PCDHGB6: variants seen among roughly 807,000 people sequenced by gnomAD.
PCDHGB6 encodes protocadherin gamma subfamily B, 6.
Under a neutral mutation model 59.1 loss-of-function variants are expected in PCDHGB6, and 51 were observed. That is an observed-to-expected ratio of 0.86 (90% CI 0.69 to 1.09). The LOEUF is 1.09. Ranked by LOEUF, PCDHGB6 falls within the 50% of genes least tolerant of loss-of-function variation. The pLI, the probability that PCDHGB6 is intolerant of heterozygous loss-of-function variation, is 0.00. For missense variants in PCDHGB6, 1,148 were observed against 1,205.1 expected (o/e 0.95, Z 0.70); for synonymous variants, 466 against 495.1 (o/e 0.94, Z 0.78).
chr5:141,442,725 G>A (rs1381140725), intron 1 of PCDHGB6, among the ~76,000 whole-genome samples: 1 of 152,198 alleles, frequency 6.6e-6, no homozygotes, highest in Admixed American at 6.5e-5. Flanking sequence ...AGCATTTGGG[G>A]CCTGTAGGTA....
rs1422052114 is a variant in PCDHGB6, at chr5:141,511,168, A to T, written c.2788A>T (p.Lys930Ter). The change falls in exon 4 of 4, where the codon AAG (lysine) becomes TAG (stop). Residue 930 changes from lysine to a stop codon, truncating the protein, a stop_gained. Coordinates refer to ENST00000520790, the MANE Select transcript of PCDHGB6 (RefSeq NM_018926.3). LOFTEE classifies it high-confidence loss of function. ...GAAGAAGTCGGGCAAGAAGGAGAAG[A>T]AGTAACATGGAGGCCAGGCCAAGAG... is the stretch of plus-strand genomic sequence containing the variant. The part of the protein sequence containing the change: ...NKKKSGKKEK[K>*] 1.4e-5 allele frequency: 22 copies of T among 1,614,038 alleles called. No individual in the cohort carries two copies. The highest frequency in any genetic ancestry group is 1.7e-5 in the Non-Finnish European group (20 of 1,180,008).
intron 3 of PCDHGB6, 96 bp downstream of exon 3, chr5:141,505,577 G>C: frequency 2.5e-6 from 4 of 1,589,854 alleles, no homozygotes; most frequent in Non-Finnish European, 3.4e-6. Flanking sequence ...TGTCAAACCT[G>C]TGTAGTTTCT....
intron 1 of PCDHGB6, among the ~76,000 whole-genome samples, chr5:141,484,322 T>C (rs2099594801): frequency 6.6e-6 from 1 of 152,214 alleles, no homozygotes; most frequent in Non-Finnish European, 1.5e-5. Flanking sequence ...TTCCATACTG[T>C]CCTTGAAATC....
chr5:141,465,778 A>G (rs544366126), intron 1 of PCDHGB6, among the ~76,000 whole-genome samples: 1 of 148,538 alleles, frequency 6.7e-6, no homozygotes, highest in East Asian at 1.9e-4. Context: ...CTCTTGTTAC[A>G]GTTTTTTTTT....
intron 1 of PCDHGB6, among the ~76,000 whole-genome samples, chr5:141,448,855 G>A (rs2098611434): frequency 6.6e-6 from 1 of 152,172 alleles, no homozygotes. Context: ...TGAGGCAGGA[G>A]AATGGCGTGA....
chr5:141,453,318 AG>A (rs1299190594), intron 1 of PCDHGB6, among the ~76,000 whole-genome samples: 2 of 151,458 alleles, frequency 1.3e-5, no homozygotes, highest in Non-Finnish European at 2.9e-5. Context: ...TTTATTTTAG[AG>A]ATGGGGTCTC....
Position 141,476,373 on chromosome 5 carries a change from T to C in PCDHGB6, c.2419-18434T>C. 1 of 1,614,054 alleles carries C rather than the reference T, an allele frequency of 6.2e-7. No individual in the cohort carries two copies. Among genetic ancestry groups the C allele is most frequent in the Non-Finnish European group, 8.5e-7 (1 of 1,180,020 alleles). On this transcript the variant is annotated intron_variant, in intron 1 of 3. Transcript: ENST00000520790. This position sits in a 1 kb window ranked among gnomAD's most constrained non-coding sequence, Gnocchi z 7.6. ...GAGGTGAACCGGGAGACCGGAGAGA[T>C]GTTTGTGAACGACCGTCTGGATCGA...
intron 1 of PCDHGB6, chr5:141,428,464 G>A (rs904800167): frequency 1.1e-4 from 37 of 344,652 alleles, no homozygotes; most frequent in African/African-American, 6.3e-4. Context: ...CTACAATGAG[G>A]GAACTTTGCT....
intron 1 of PCDHGB6, among the ~76,000 whole-genome samples, chr5:141,458,009 G>T (rs1039110082): frequency 2.6e-5 from 4 of 152,142 alleles, no homozygotes; most frequent in Non-Finnish European, 4.4e-5. Context: ...AAAATAACCG[G>T]TTTTTCCAAT....
chr5:141,483,432 ACT>A (rs2099581241), intron 1 of PCDHGB6, among the ~76,000 whole-genome samples: 1 of 152,200 alleles, frequency 6.6e-6, no homozygotes, highest in African/African-American at 2.4e-5. Flanking sequence ...GAGGGAGCTG[ACT>A]ACAATAAAAT....
chr5:141,431,790 C>T lies in PCDHGB6; in HGVS notation c.2418+21170C>T, dbSNP rs2097417829. On this transcript the variant is annotated intron_variant, in intron 1 of 3. Transcript: ENST00000520790. This position sits in a 1 kb window ranked among gnomAD's most constrained non-coding sequence, Gnocchi z 4.8. The stretch of plus-strand genomic sequence containing the variant: ...ACTGTTCTGGACGTGAACGACAATG[C>T]CCCAGAAGTGGTCCTCACCTCTCTC... 4.3e-6 allele frequency: 7 copies of T among 1,614,186 alleles called. No individual in the cohort carries two copies. The highest frequency in any genetic ancestry group is 5.9e-6 in the Non-Finnish European group (7 of 1,180,016).
At chr5:141,466,794 T>C (rs1487051313) in intron 1 of PCDHGB6, among the ~76,000 whole-genome samples, 2 of 152,226 alleles carry the variant, frequency 1.3e-5, no homozygotes, top group Non-Finnish European at 2.9e-5. Context: ...TGCCTCAAAC[T>C]AGATCCTATT....
intron 1 of PCDHGB6, chr5:141,421,253 A>G: frequency 6.2e-7 from 1 of 1,607,298 alleles, no homozygotes; most frequent in South Asian, 1.1e-5. Context: ...CAGCGCGGGG[A>G]CCGCAGTCGG....
In PCDHGB6 at chr5:141,423,512, C is replaced by T. The variant is rs765694240; in HGVS notation, c.2418+12892C>T. 55 of 1,613,552 alleles carry T rather than the reference C, an allele frequency of 3.4e-5. No individual in the cohort carries two copies. The highest frequency in any genetic ancestry group is 2.8e-4 in the African/African-American group (21 of 74,924). On this transcript the variant is annotated intron_variant, in intron 1 of 3. Coordinates refer to ENST00000520790, the MANE Select transcript of PCDHGB6 (RefSeq NM_018926.3). ...TATTCCCACGAGGTCTCTCTCATTGCGGACTCGCAGAAGAGTCACCTGATT... is the reference window on the plus strand; with the variant it reads ...TATTCCCACGAGGTCTCTCTCATTGTGGACTCGCAGAAGAGTCACCTGATT...
chr5:141,423,562 A>C (rs374427537), intron 1 of PCDHGB6: 1 of 1,613,612 alleles, frequency 6.2e-7, no homozygotes, highest in African/African-American at 1.3e-5. Context: ...CTATGGGGAC[A>C]CGCTCATCAG....
intron 1 of PCDHGB6, among the ~76,000 whole-genome samples, chr5:141,470,997 A>G (rs905897657): frequency 3.8e-4 from 57 of 150,462 alleles, no homozygotes; most frequent in African/African-American, 1.3e-3. Flanking sequence ...GACTACAGGC[A>G]TGAGCCACTG....
At chr5:141,414,502 A>G in intron 1 of PCDHGB6, 1 of 1,613,944 alleles carries the variant, frequency 6.2e-7, no homozygotes, top group South Asian at 1.1e-5. Flanking sequence ...AGCTCACTTT[A>G]TGCTACAAGT....
At chr5:141,449,531 G>A (rs1421489293) in intron 1 of PCDHGB6, among the ~76,000 whole-genome samples, 2 of 149,216 alleles carry the variant, frequency 1.3e-5, no homozygotes, top group Admixed American at 6.7e-5. Flanking sequence ...GGAGGTTGCA[G>A]TGAGCCGAGA....
In PCDHGB6 at chr5:141,432,287, G is replaced by A. The variant is rs189131107; in HGVS notation, c.2418+21667G>A. On this transcript the variant is annotated intron_variant, in intron 1 of 3. Transcript: ENST00000520790. This position sits in a 1 kb window ranked among gnomAD's most constrained non-coding sequence, Gnocchi z 6.0. ...ATCGTCCTACGTGTCCATCAACTCC[G>A]ACACTGGGGTACTGTATGCGCTGAG... The A allele has an allele frequency of 2.3e-4, 365 of 1,614,216 alleles. 2 individuals carry two copies. In the East Asian group the frequency reaches 6.5e-3, roughly 29 times the overall value.
Sources: allele counts gnomAD v4.1 joint callset (sites outside exome capture counted in the v4.1 genomes callset), GRCh38; gene constraint gnomAD v4.1.1; non-coding constraint Gnocchi (gnomAD v3.1); transcripts MANE v1.5; gene names NCBI Gene and HGNC (gene_info 2026-07-23, HGNC 2026-07-21).